The following LRRC3B variants were observed in gnomAD, a reference collection of about 807,000 sequenced individuals.
The protein encoded by LRRC3B is leucine-rich repeat-containing protein 3B.
Under a neutral mutation model 12.8 loss-of-function variants are expected in LRRC3B, and 2 were observed. That is an observed-to-expected ratio of 0.16 (90% confidence interval 0.06 to 0.49). The LOEUF is 0.49. LRRC3B is among the 20% of genes least tolerant of loss of function. The pLI, the probability that LRRC3B is intolerant of heterozygous loss-of-function variation, is 0.96. For missense variants in LRRC3B, 189 were observed against 319.4 expected, an observed-to-expected ratio of 0.59 and a Z score of 3.11; for synonymous variants, 132 against 122.0, an observed-to-expected ratio of 1.08 and a Z score of -0.54.
At chr3:26,669,819 G>A (rs1044908218) in intron 1 of LRRC3B, among the ~76,000 whole-genome samples, 64 of 152,156 alleles carry the variant, frequency 4.2e-4, no homozygotes, top group African/African-American at 1.5e-3. Flanking sequence ...CTCACAGGCT[G>A]ATTATTTTAT....
At chr3:26,685,049 C>T (rs577938899) in intron 1 of LRRC3B, among the ~76,000 whole-genome samples, 1 of 152,212 alleles carries the variant, frequency 6.6e-6, no homozygotes, top group Non-Finnish European at 1.5e-5. Context: ...CACCTCCAGG[C>T]TTCAACCAAT....
chr3:26,707,776 G>GT (rs34355790), intron 1 of LRRC3B, among the ~76,000 whole-genome samples: 51 of 143,234 alleles, frequency 3.6e-4, no homozygotes, highest in African/African-American at 5.4e-4. Context: ...TTCCACACCT[G>GT]TTTTTTTTTT....
At chr3:26,674,360 G>C (rs1468291757) in intron 1 of LRRC3B, among the ~76,000 whole-genome samples, 1 of 151,932 alleles carries the variant, frequency 6.6e-6, no homozygotes, top group Non-Finnish European at 1.5e-5. Flanking sequence ...AAACTAAATG[G>C]ACTAAAAAAA....
intron 1 of LRRC3B, among the ~76,000 whole-genome samples, chr3:26,669,011 C>T (rs988276152): frequency 2.0e-5 from 3 of 152,160 alleles, no homozygotes; most frequent in Non-Finnish European, 2.9e-5. Flanking sequence ...ATAGACTGAA[C>T]AAATTAATAT....
intron 1 of LRRC3B, among the ~76,000 whole-genome samples, chr3:26,632,495 A>C (rs1342525236): frequency 6.6e-6 from 1 of 152,142 alleles, no homozygotes; most frequent in Non-Finnish European, 1.5e-5. Flanking sequence ...TCTGAACAGA[A>C]GCCATATCTG....
chr3:26,675,170 G>A (rs187785790), intron 1 of LRRC3B, among the ~76,000 whole-genome samples: 1 of 152,290 alleles, frequency 6.6e-6, no homozygotes, highest in East Asian at 1.9e-4. Context: ...ATATAAGCAG[G>A]TAGATACAGG....
At chr3:26,710,452 G>C in exon 2 of LRRC3B, 1 of 1,572,856 alleles carries the variant, frequency 6.4e-7, no homozygotes, top group Non-Finnish European at 8.6e-7. Flanking sequence ...CTGTGGTATA[G>C]TGTCCAAACT....
chr3:26,670,932 G>A (rs923306115), intron 1 of LRRC3B, among the ~76,000 whole-genome samples: 1 of 149,988 alleles, frequency 6.7e-6, no homozygotes, highest in Admixed American at 6.6e-5. Flanking sequence ...TTTAATGTGT[G>A]TTCATAGCAT....
chr3:26,650,925 A>C (rs565144454), intron 1 of LRRC3B, among the ~76,000 whole-genome samples: 38 of 152,300 alleles, frequency 2.5e-4, no homozygotes, highest in African/African-American at 8.4e-4. Context: ...CTAAACAGTA[A>C]ATTGATGTGA....
intron 1 of LRRC3B, among the ~76,000 whole-genome samples, chr3:26,680,447 T>C (rs1665063968): frequency 6.6e-6 from 1 of 152,238 alleles, no homozygotes; most frequent in Non-Finnish European, 1.5e-5. Flanking sequence ...TGAGGTCTAA[T>C]GCCACAAGCA....
intron 1 of LRRC3B, among the ~76,000 whole-genome samples, chr3:26,664,547 A>C (rs754166466): frequency 3.3e-5 from 5 of 152,130 alleles, no homozygotes; most frequent in Non-Finnish European, 7.4e-5. Context: ...TTTTTGGTTT[A>C]GTTCCCTAGA....
At chr3:26,670,536 G>T (rs1211067083) in intron 1 of LRRC3B, among the ~76,000 whole-genome samples, 9 of 152,160 alleles carry the variant, frequency 5.9e-5, no homozygotes, top group African/African-American at 9.7e-5. Context: ...TTACTAGGTT[G>T]TTTGGGAATC....
intron 1 of LRRC3B, among the ~76,000 whole-genome samples, chr3:26,698,643 C>T (rs905470416): frequency 6.6e-6 from 1 of 152,046 alleles, no homozygotes. Context: ...AAAATTGGTA[C>T]AATGAACACA....
intron 1 of LRRC3B, among the ~76,000 whole-genome samples, chr3:26,640,685 G>A (rs529910720): frequency 7.2e-5 from 11 of 152,318 alleles, no homozygotes; most frequent in Middle Eastern, 3.4e-3. Flanking sequence ...GCTTGCAGTT[G>A]TAGGAGGAAG....
At position 26,686,048 on chromosome 3, in the gene LRRC3B, C is replaced by A. The variant is rs1575161769; in HGVS notation, c.-160-23465C>A. On this transcript the variant is annotated intron_variant, in intron 1 of 1. Coordinates refer to ENST00000396641, the Ensembl canonical transcript of LRRC3B. Reference sequence around the variant, plus strand: ...TATAGGATTCATATAGACTATACCCCTTGCTTTGCCTAGGTAAATGGTTAT... The same window carrying A: ...TATAGGATTCATATAGACTATACCCATTGCTTTGCCTAGGTAAATGGTTAT... Among the ~76,000 whole-genome samples, 3 of 152,066 alleles carry A rather than the reference C, an allele frequency of 2.0e-5. No individual in the cohort carries two copies. In the South Asian group the frequency reaches 6.2e-4, roughly 32 times the overall value.
At chr3:26,675,951 A>ATAGT (rs1330204068) in intron 1 of LRRC3B, among the ~76,000 whole-genome samples, 1 of 150,994 alleles carries the variant, frequency 6.6e-6, no homozygotes, top group Non-Finnish European at 1.5e-5. Flanking sequence ...CATTTTTTTT[A>ATAGT]TAGTTATAAA....
chr3:26,671,011 C>CTTTTTTTTT (rs762788262), intron 1 of LRRC3B, among the ~76,000 whole-genome samples: 64 of 95,558 alleles, frequency 6.7e-4, no homozygotes, highest in African/African-American at 2.3e-3. Flanking sequence ...TCTCATGTAT[C>CTTTTTTTTT]TTTTTTTTTT....
intron 1 of LRRC3B, among the ~76,000 whole-genome samples, chr3:26,691,457 G>T (rs554490312): frequency 5.6e-4 from 85 of 152,186 alleles, no homozygotes; most frequent in Admixed American, 1.0e-3. Flanking sequence ...ATGGGTGTAA[G>T]CTGTCTCAAC....
intron 1 of LRRC3B, among the ~76,000 whole-genome samples, chr3:26,663,965 A>T (rs1217686759): frequency 1.3e-5 from 2 of 152,116 alleles, no homozygotes; most frequent in African/African-American, 2.4e-5. Flanking sequence ...TTTTTCTATG[A>T]ACACATTTGA....
Sources: gnomAD v4.1 joint callset for allele counts (sites outside exome capture counted in the v4.1 genomes callset) on GRCh38, gnomAD v4.1.1 for gene constraint, MANE v1.5 for transcripts, NCBI Gene and HGNC (gene_info 2026-07-23, HGNC 2026-07-21) for gene names.